LHX4: variants seen among roughly 807,000 people sequenced by gnomAD.
LHX4 encodes the protein LIM homeobox 4.
A neutral mutation model predicts 39.2 loss-of-function variants in LHX4; 16 were observed. The observed-to-expected ratio is 0.41, with a 90% CI of 0.28 to 0.62. The LOEUF (loss-of-function observed/expected upper bound fraction) is 0.62. Ranked by LOEUF, LHX4 falls within the 20% of genes least tolerant of loss-of-function variation. The pLI, the probability that LHX4 is intolerant of heterozygous loss-of-function variation, is 0.33. For synonymous variants in LHX4, 206 were observed against 198.1 expected (o/e 1.04, Z -0.33); for missense variants, 439 against 511.9 (o/e 0.86, Z 1.37).
At chr1:180,231,590 G>C (rs1031942526) in intron 1 of LHX4, among the ~76,000 whole-genome samples, 1 of 149,914 alleles carries the variant, frequency 6.7e-6, no homozygotes, top group South Asian at 2.1e-4. Flanking sequence ...CAAGCGCCGG[G>C]AGAGTCCTGC....
chr1:180,248,278 C>T lies in LHX4; in HGVS notation c.77-7C>T, dbSNP rs770346194. On this transcript the variant is annotated splice_polypyrimidine_tract_variant and splice_region_variant and intron_variant, in intron 1 of 5. Transcript: ENST00000263726. The stretch of plus-strand genomic sequence containing the variant: ...CTCACAGTGCCTCTCTCTCCTCTTC[C>T]TCACAGAGATTCCCCAGTGCGCTGG... The T allele has an allele frequency of 4.3e-6, 7 of 1,613,752 alleles. No homozygotes were observed. The African/African-American group carries it at 8.0e-5, about 18-fold the overall frequency.
chr1:180,248,430 C>G lies in LHX4; in HGVS notation c.222C>G (p.Ser74Arg), dbSNP rs377503336. Residue 74 changes from serine (S) to arginine (R), a missense_variant, in exon 2 of 6, where the codon AGC (serine) becomes AGG (arginine). Coordinates refer to ENST00000263726, the MANE Select transcript of LHX4 (RefSeq NM_033343.4). ...LADRCFSRAG[S>R]VYCKEDFFKR... ...ACAGGTGCTTCTCCAGGGCTGGGAG[C>G]GTCTACTGCAAGGAGGACTTCTTCA... The G allele has an allele frequency of 1.6e-5, 26 of 1,614,082 alleles. No homozygotes were observed. The highest frequency in any genetic ancestry group is 2.0e-5 in the Non-Finnish European group (24 of 1,180,048).
chr1:180,254,767 C>T (rs1218137462), intron 2 of LHX4, among the ~76,000 whole-genome samples: 1 of 152,222 alleles, frequency 6.6e-6, no homozygotes, highest in African/African-American at 2.4e-5. Context: ...TTTCCCATCT[C>T]TACAGGCGGA....
intron 1 of LHX4, among the ~76,000 whole-genome samples, chr1:180,244,485 C>T (rs1647312162): frequency 1.3e-5 from 2 of 152,166 alleles, no homozygotes; most frequent in Non-Finnish European, 2.9e-5. Context: ...TTACAAGCCT[C>T]TAAAACTCCC....
Position 180,266,309 on chromosome 1 carries a change from G to A in LHX4, c.249-83G>A. The A allele has an allele frequency of 1.5e-6, 2 of 1,362,612 alleles. No individual in the cohort carries two copies. The highest frequency in any genetic ancestry group is 1.4e-5 in the African/African-American group (1 of 70,110). 84.4% of individuals were successfully genotyped at this position (1,362,612 alleles called of 1,614,324 possible). A position where few individuals can be genotyped will look rare whatever the true frequency, so the allele number is the denominator to read the frequency against. Reference sequence around the variant, plus strand: ...CATGGAGTCCCGGAGTGGTGGGGTAGGAGGGAGGCTGCTCCAGGAAGTTGG... The same window carrying A: ...CATGGAGTCCCGGAGTGGTGGGGTAAGAGGGAGGCTGCTCCAGGAAGTTGG... On this transcript the variant is annotated intron_variant, in intron 2 of 5. Coordinates refer to ENST00000263726, the MANE Select transcript of LHX4 (RefSeq NM_033343.4). The surrounding 1 kb of genome is among the most constrained non-coding windows in gnomAD (Gnocchi z 5.7).
chr1:180,253,196 G>A (rs1647698648), intron 2 of LHX4, among the ~76,000 whole-genome samples: 1 of 152,178 alleles, frequency 6.6e-6, no homozygotes. Flanking sequence ...TTGCTAAGCA[G>A]GTCCTATCCA....
chr1:180,250,643 A>G (rs1222635051), intron 2 of LHX4, among the ~76,000 whole-genome samples: 1 of 152,134 alleles, frequency 6.6e-6, no homozygotes, highest in Non-Finnish European at 1.5e-5. Context: ...GGGTATGAGC[A>G]AAGCCTGGCA....
Position 180,230,655 on chromosome 1 carries a change from A to C in LHX4, c.76+50A>C. 1 of 1,544,684 alleles carries C rather than the reference A, an allele frequency of 6.5e-7. No homozygotes were observed. Among genetic ancestry groups the C allele is most frequent in the Non-Finnish European group, 8.9e-7 (1 of 1,119,708 alleles). On this transcript the variant is annotated intron_variant, in intron 1 of 5. Coordinates refer to ENST00000263726, the MANE Select transcript of LHX4 (RefSeq NM_033343.4). The surrounding 1 kb of genome is among the most constrained non-coding windows in gnomAD (Gnocchi z 5.8). ...ATTTAATTCTAACAAGACAGCTAGC[A>C]GCCTCAGCCGCTGCGGGGCGGGCCG...
chr1:180,233,748 A>G (rs1664235523), intron 1 of LHX4, among the ~76,000 whole-genome samples: 2 of 152,142 alleles, frequency 1.3e-5, no homozygotes, highest in African/African-American at 2.4e-5. Context: ...GGCAGCCCGC[A>G]CGGGAGAAGG....
intron 2 of LHX4, among the ~76,000 whole-genome samples, chr1:180,254,423 G>A (rs1647760187): frequency 6.6e-6 from 1 of 152,240 alleles, no homozygotes. Context: ...GGCCGTAGGT[G>A]GGCTGTCCGC....
At chr1:180,257,080 C>T (rs149142638) in intron 2 of LHX4, among the ~76,000 whole-genome samples, 14 of 152,208 alleles carry the variant, frequency 9.2e-5, no homozygotes, top group Admixed American at 6.5e-4. Context: ...CTGCACGTCC[C>T]GTTGCCTCTT....
Position 180,232,987 on chromosome 1 carries a change from C to T in LHX4, c.76+2382C>T, listed in dbSNP as rs994316050. Among the ~76,000 whole-genome samples, 2 of 152,204 alleles carry T rather than the reference C, an allele frequency of 1.3e-5. No individual in the cohort carries two copies. Among genetic ancestry groups the T allele is most frequent in the Non-Finnish European group, 2.9e-5 (2 of 68,042 alleles). On this transcript the variant is annotated intron_variant, in intron 1 of 5. Transcript: ENST00000263726. The surrounding 1 kb of genome is among the most constrained non-coding windows in gnomAD (Gnocchi z 5.4). ...TCCCTCTCAACACAGACATGTTTGC[C>T]TCTTCATCACATGGAGTCACCACGA...
rs1418704457 is a variant in LHX4, at chr1:180,232,759, G to T, written c.76+2154G>T. The stretch of plus-strand genomic sequence containing the variant: ...GTTAGGCTGTTGGTGCTGGGACCGC[G>T]GGATAGGTCCCCATCACCCACATAT... On this transcript the variant is annotated intron_variant, in intron 1 of 5. Coordinates refer to ENST00000263726, the MANE Select transcript of LHX4 (RefSeq NM_033343.4). This position sits in a 1 kb window ranked among gnomAD's most constrained non-coding sequence, Gnocchi z 5.4. Among the ~76,000 whole-genome samples the T allele has an allele frequency of 1.3e-5, 2 of 152,212 alleles. No individual in the cohort carries two copies. The highest frequency in any genetic ancestry group is 2.4e-5 in the African/African-American group (1 of 41,466).
intron 2 of LHX4, among the ~76,000 whole-genome samples, chr1:180,258,424 T>C (rs1226631921): frequency 3.9e-5 from 6 of 152,162 alleles, no homozygotes; most frequent in African/African-American, 1.4e-4. Context: ...TTAGGGAGCC[T>C]GTGGCTTTGA....
At chr1:180,269,162 T>A (rs144267186) in intron 3 of LHX4, among the ~76,000 whole-genome samples, 22 of 152,016 alleles carry the variant, frequency 1.4e-4, no homozygotes, top group Non-Finnish European at 2.9e-4. Flanking sequence ...TGGTATATTC[T>A]GAGAGCACAT....
intron 2 of LHX4, among the ~76,000 whole-genome samples, chr1:180,251,692 G>A (rs759499876): frequency 1.4e-4 from 21 of 152,186 alleles, no homozygotes; most frequent in Non-Finnish European, 2.6e-4. Context: ...CTTTGAGTGA[G>A]GGAGGCCCAG....
At chr1:180,263,263 C>G (rs12093664) in intron 2 of LHX4, among the ~76,000 whole-genome samples, 3 of 152,178 alleles carry the variant, frequency 2.0e-5, no homozygotes, top group Non-Finnish European at 4.4e-5. Context: ...TAGGCATGAC[C>G]GTGTGTCTCA....
At chr1:180,271,697 G>C (rs1182436638) in intron 4 of LHX4, 138 bp from the exon 5 acceptor site, 1 of 1,283,020 alleles carries the variant, frequency 7.8e-7, no homozygotes, top group Non-Finnish European at 1.1e-6. Context: ...TGGGGAGAGG[G>C]GGTGGGGCGC....
At chr1:180,272,693 C>T (rs1648742370) in intron 5 of LHX4, 1 of 152,244 alleles carries the variant, frequency 6.6e-6, no homozygotes, top group African/African-American at 2.4e-5. Flanking sequence ...GGAAGGTCTT[C>T]TGCGGAGGGG....
Sources: allele counts gnomAD v4.1 joint callset (sites outside exome capture counted in the v4.1 genomes callset), GRCh38; gene constraint gnomAD v4.1.1; non-coding constraint Gnocchi (gnomAD v3.1); transcripts MANE v1.5; gene names NCBI Gene and HGNC (gene_info 2026-07-23, HGNC 2026-07-21).